Variants in ATP11A observed in about 807,000 individuals in gnomAD.
The protein encoded by ATP11A is ATPase phospholipid transporting 11A, also known as phospholipid-transporting ATPase IH.
ATP11A carries 81 observed loss-of-function variants against 154.4 expected under a neutral mutation model. The observed-to-expected ratio is 0.52, with a 90% CI of 0.44 to 0.63. The LOEUF is 0.63. Ranked by LOEUF, ATP11A falls within the 30% of genes least tolerant of loss-of-function variation. ATP11A has a pLI of 0.00. For missense variants in ATP11A, 1,316 were observed against 1,474.3 expected, an observed-to-expected ratio of 0.89 and a Z score of 1.76; for synonymous variants, 623 against 585.9, an observed-to-expected ratio of 1.06 and a Z score of -0.91.
chr13:112,879,756 T>C (rs1011221348), intron 29 of ATP11A, among the ~76,000 whole-genome samples: 1 of 152,272 alleles, frequency 6.6e-6, no homozygotes, highest in African/African-American at 2.4e-5. Context: ...TGCAAAACTT[T>C]GGAGGAATAA....
At chr13:112,768,081 G>T (rs2077138916) in intron 1 of ATP11A, among the ~76,000 whole-genome samples, 1 of 152,318 alleles carries the variant, frequency 6.6e-6, no homozygotes, top group African/African-American at 2.4e-5. Flanking sequence ...TCTCCTGAAG[G>T]TTTTCCAAGT....
At chr13:112,794,455 C>T (rs1347984120) in intron 2 of ATP11A, among the ~76,000 whole-genome samples, 2 of 152,126 alleles carry the variant, frequency 1.3e-5, no homozygotes, top group Non-Finnish European at 2.9e-5. Context: ...TAGACATCAC[C>T]AGGAATTAAT....
At position 112,810,750 on chromosome 13, in the gene ATP11A, C is replaced by T. The variant is rs534533102; in HGVS notation, c.441+24C>T. The T allele has an allele frequency of 2.9e-4, 465 of 1,600,202 alleles. 6 individuals carry two copies. In the South Asian group the frequency reaches 4.4e-3, roughly 15 times the overall value. On this transcript the variant is annotated intron_variant, in intron 5 of 29. Coordinates refer to ENST00000375645, the MANE Select transcript of ATP11A (RefSeq NM_015205.3). ...GAGTAAGTGACACCCGACACATTTACGCTGGTGAAGTCCAGTAACTGTTTA... is the reference window on the plus strand; with the variant it reads ...GAGTAAGTGACACCCGACACATTTATGCTGGTGAAGTCCAGTAACTGTTTA...
intron 25 of ATP11A, among the ~76,000 whole-genome samples, chr13:112,871,060 T>C (rs2080504138): frequency 6.6e-6 from 1 of 152,236 alleles, no homozygotes. Context: ...TGTCCAGCCC[T>C]GTCCTGTCTG....
rs145142773 is a variant in ATP11A, at chr13:112,770,013, C to T, written c.40-15122C>T. On this transcript the variant is annotated intron_variant, in intron 1 of 29. Coordinates refer to ENST00000375645, the MANE Select transcript of ATP11A (RefSeq NM_015205.3). ...CTCCTGCTGCATTTCATGAGTCCAGCGGAGTCTGTTCCAACTGCACCCCCC... is the reference window on the plus strand; with the variant it reads ...CTCCTGCTGCATTTCATGAGTCCAGTGGAGTCTGTTCCAACTGCACCCCCC... Among the ~76,000 whole-genome samples the T allele has an allele frequency of 2.0e-3, 304 of 152,336 alleles. 2 individuals carry two copies. The highest frequency in any genetic ancestry group is 6.8e-3 in the African/African-American group (283 of 41,582).
At chr13:112,712,215 C>A (rs572963477) in intron 1 of ATP11A, among the ~76,000 whole-genome samples, 1 of 152,250 alleles carries the variant, frequency 6.6e-6, no homozygotes, top group African/African-American at 2.4e-5. Flanking sequence ...GAAATGTGGC[C>A]GGTAGTTCCC....
chr13:112,865,268 A>G (rs1231150272), intron 25 of ATP11A, among the ~76,000 whole-genome samples: 3 of 131,130 alleles, frequency 2.3e-5, no homozygotes, highest in African/African-American at 6.0e-5. Context: ...AGTGCGGCCC[A>G]TGCAGCTTCC....
intron 2 of ATP11A, among the ~76,000 whole-genome samples, chr13:112,791,149 A>G (rs1351079876): frequency 6.6e-6 from 1 of 152,198 alleles, no homozygotes; most frequent in Admixed American, 6.5e-5. Context: ...ACAAATCCCA[A>G]ACATACTGCT....
chr13:112,793,925 A>C (rs1180175462), intron 2 of ATP11A, among the ~76,000 whole-genome samples: 1 of 152,268 alleles, frequency 6.6e-6, no homozygotes, highest in African/African-American at 2.4e-5. Context: ...CCCAAGGGGC[A>C]GGAGGCAGCG....
At chr13:112,846,782 G>A (rs1365084285) in intron 17 of ATP11A, among the ~76,000 whole-genome samples, 1 of 152,188 alleles carries the variant, frequency 6.6e-6, no homozygotes, top group Non-Finnish European at 1.5e-5. Flanking sequence ...TCTGGGGTGT[G>A]GCTGAGTTCC....
chr13:112,791,057 C>T (rs968697814), intron 2 of ATP11A, among the ~76,000 whole-genome samples: 4 of 152,186 alleles, frequency 2.6e-5, no homozygotes, highest in African/African-American at 7.2e-5. Flanking sequence ...CTTACAAAGT[C>T]GACGCAGTCT....
At chr13:112,845,792 T>TGCCAGCACTAGCGGTACTAACCAA (rs1566564917) in intron 17 of ATP11A, among the ~76,000 whole-genome samples, 7 of 89,780 alleles carry the variant, frequency 7.8e-5, no homozygotes, top group South Asian at 3.2e-4. Context: ...CCAGTCCAGT[T>TGCCAGCACTAGCGGTACTAACCAA]TCCAGGCACT....
intron 1 of ATP11A, among the ~76,000 whole-genome samples, chr13:112,710,020 C>T (rs185924636): frequency 6.6e-6 from 1 of 152,374 alleles, no homozygotes; most frequent in East Asian, 1.9e-4. Flanking sequence ...CACAGGTCCT[C>T]TGCCTGCACT....
chr13:112,696,863 C>G lies in ATP11A; in HGVS notation c.39+6408C>G, dbSNP rs992198567. The G allele has an allele frequency of 7.2e-5, 11 of 152,306 alleles. No individual in the cohort carries two copies. Among genetic ancestry groups the G allele is most frequent in the African/African-American group, 2.2e-4 (9 of 41,442 alleles). 9.4% of individuals were successfully genotyped at this position (152,306 alleles called of 1,614,324 possible). ...GGAAGGACAGAGACCCAAGTCCCAT[C>G]CCTCTGGGGCCCCCTTGGAATGGGG... On this transcript the variant is annotated intron_variant, in intron 1 of 29. Transcript: ENST00000375645. This position sits in a 1 kb window ranked among gnomAD's most constrained non-coding sequence, Gnocchi z 6.2.
intron 1 of ATP11A, among the ~76,000 whole-genome samples, chr13:112,709,039 G>A (rs980854535): frequency 9.2e-5 from 14 of 152,166 alleles, no homozygotes; most frequent in Admixed American, 5.2e-4. Context: ...GGGGAGTGCC[G>A]GAAGCAGGTC....
chr13:112,804,952 T>G lies in ATP11A; in HGVS notation c.163-5T>G, dbSNP rs758882722. ...ATGATGGATGTTTGTTTTTCTTTTA[T>G]GCAGTACACATTTTGGAACTTTATA... On this transcript the variant is annotated splice_polypyrimidine_tract_variant and splice_region_variant and intron_variant, in intron 2 of 29. Coordinates refer to ENST00000375645, the MANE Select transcript of ATP11A (RefSeq NM_015205.3). 1 of 1,581,562 alleles carries G rather than the reference T, an allele frequency of 6.3e-7. No homozygotes were observed. The highest frequency in any genetic ancestry group is 1.1e-5 in the South Asian group (1 of 88,502).
At chr13:112,812,693 T>G (rs2078534871) in intron 5 of ATP11A, among the ~76,000 whole-genome samples, 1 of 152,240 alleles carries the variant, frequency 6.6e-6, no homozygotes, top group Admixed American at 6.5e-5. Flanking sequence ...TCACCAAATG[T>G]ACTTTTAAGC....
At chr13:112,779,684 C>T (rs1014368172) in intron 1 of ATP11A, among the ~76,000 whole-genome samples, 1 of 152,066 alleles carries the variant, frequency 6.6e-6, no homozygotes, top group Non-Finnish European at 1.5e-5. Context: ...GAGGCTGAGG[C>T]GGGCGGATCA....
chr13:112,860,528 G>T, intron 24 of ATP11A, 114 bp downstream of exon 24: 2 of 1,242,398 alleles, frequency 1.6e-6, no homozygotes, highest in East Asian at 4.7e-5. Context: ...GAAGCATTCG[G>T]CATCTGCTGA....
Sources: gnomAD v4.1 joint callset for allele counts (sites outside exome capture counted in the v4.1 genomes callset) on GRCh38, gnomAD v4.1.1 for gene constraint, Gnocchi (gnomAD v3.1) non-coding constraint, MANE v1.5 for transcripts, NCBI Gene and HGNC (gene_info 2026-07-23, HGNC 2026-07-21) for gene names.